Variants in TCP11L1 observed in about 807,000 individuals in gnomAD.
TCP11L1 encodes T-complex protein 11-like protein 1.
TCP11L1 carries 28 observed loss-of-function variants against 48.9 expected under a neutral mutation model. The ratio of observed to expected loss-of-function variants is 0.57; its 90% CI spans 0.42 to 0.78. The LOEUF is 0.78. TCP11L1 is among the 30% of genes least tolerant of loss of function. The pLI is 0.00. For missense variants in TCP11L1, 505 were observed against 613.4 expected (o/e 0.82, Z 1.87); for synonymous variants, 204 against 231.9 (o/e 0.88, Z 1.09).
At chr11:33,063,573 T>C (rs1276170976) in intron 7 of TCP11L1, among the ~76,000 whole-genome samples, 1 of 152,200 alleles carries the variant, frequency 6.6e-6, no homozygotes, top group Non-Finnish European at 1.5e-5. Context: ...TGCTGAACAA[T>C]ATTTTTTTCT....
In TCP11L1 at chr11:33,061,635, G is replaced by A. The variant is rs1854470112; in HGVS notation, c.881G>A (p.Gly294Glu). 1.2e-6 allele frequency: 2 copies of A among 1,612,870 alleles called. No individual in the cohort carries two copies. Among genetic ancestry groups the A allele is most frequent in the Non-Finnish European group, 1.7e-6 (2 of 1,179,538 alleles). ...LPVGGMAAGSGDMPRLSPVAV... is the reference protein window; with the variant it reads ...LPVGGMAAGSEDMPRLSPVAV... ...GTGGGGGGAATGGCTGCTGGCTCTG[G>A]GGACATGCCCAGGCTGAGCCCTGTT... The change falls in exon 7 of 10, where the codon GGG becomes GAG. Residue 294 changes from glycine to glutamate, a missense_variant. Transcript: ENST00000334274.
intron 3 of TCP11L1, chr11:33,056,666 A>G (rs997807890): frequency 8.0e-6 from 2 of 251,000 alleles, no homozygotes; most frequent in African/African-American, 2.3e-5. Context: ...CTGATCTCGA[A>G]CTCCTCACCT....
chr11:33,065,797 C>A, intron 7 of TCP11L1, 33 bp from the exon 8 acceptor site: 1 of 1,594,702 alleles, frequency 6.3e-7, no homozygotes. Context: ...CCTGGACCTG[C>A]AGCTCAGCGA....
chr11:33,069,921 A>G (rs778685009), intron 9 of TCP11L1, among the ~76,000 whole-genome samples: 5 of 152,084 alleles, frequency 3.3e-5, no homozygotes, highest in Non-Finnish European at 7.4e-5. Context: ...ATTTATACTC[A>G]CAACCTTCAT....
chr11:33,055,623 T>C (rs1157655257), intron 3 of TCP11L1, among the ~76,000 whole-genome samples: 1 of 152,144 alleles, frequency 6.6e-6, no homozygotes, highest in African/African-American at 2.4e-5. Flanking sequence ...CAGAGTATAT[T>C]GTTGCCCTGA....
chr11:33,046,976 G>T (rs1854015119), intron 2 of TCP11L1, among the ~76,000 whole-genome samples: 1 of 152,162 alleles, frequency 6.6e-6, no homozygotes, highest in South Asian at 2.1e-4. Flanking sequence ...TAAGCACTTT[G>T]GGAGGCTGAG....
rs1853963680 is a variant in TCP11L1 at position 33,045,508 on chromosome 11, A to G, written c.163+1572A>G. 2.0e-5 allele frequency among the ~76,000 whole-genome samples: 3 copies of G among 148,128 alleles called. No individual in the cohort carries two copies. The South Asian group carries it at 6.4e-4, about 31-fold the overall frequency. ...TCCAGCCTGGATGACAGAGTGAGAC[A>G]AGCCTCTCTCAAAAAAATAAAAATA... On this transcript the variant is annotated intron_variant, in intron 2 of 9. Transcript: ENST00000334274.
intron 1 of TCP11L1, among the ~76,000 whole-genome samples, chr11:33,042,146 G>T (rs7125132): frequency 0.71 from 108,167 of 151,832 alleles, 38,672 homozygotes; most frequent in East Asian, 0.87. Flanking sequence ...TTGTTTGTTT[G>T]TTTAGACAGA....
Position 33,072,493 on chromosome 11 carries a change from C to G in TCP11L1, c.1347C>G (p.Phe449Leu). 6.2e-7 allele frequency: 1 copy of G among 1,614,154 alleles called. No individual in the cohort carries two copies. The highest frequency in any genetic ancestry group is 8.5e-7 in the Non-Finnish European group (1 of 1,180,034). The change falls in exon 10 of 10, where the codon TTC (phenylalanine) becomes TTG (leucine). Residue 449 changes from phenylalanine (F) to leucine (L), a missense_variant. Physicochemically the swap from Phe to Leu is conservative, Grantham distance 22. Transcript: ENST00000334274. ...TCACAGAATCTCGAATCCTGACCTTCTTAGAAACCTACCTTGCCTCGGGTC... is the reference window on the plus strand; with the variant it reads ...TCACAGAATCTCGAATCCTGACCTTGTTAGAAACCTACCTTGCCTCGGGTC... The part of the protein sequence containing the change: ...RRIMESRILT[F>L]LETYLASGHQ...
In TCP11L1 at chr11:33,072,646, A is replaced by C; in HGVS notation, c.1500A>C (p.Ala500=). ...TGGTCTTCTGTCCCTACTACGATGC[A>C]ATCCTGAGTAAGATCCTCGTCCGAT... ...NKMVFCPYYD[A]ILSKILVRS The change falls in exon 10 of 10, where the codon GCA becomes GCC. Residue 500 remains alanine, a synonymous_variant. Coordinates refer to ENST00000334274, the MANE Select transcript of TCP11L1 (RefSeq NM_018393.4). 6.2e-7 allele frequency: 1 copy of C among 1,614,142 alleles called. No individual in the cohort carries two copies. Among genetic ancestry groups the C allele is most frequent in the Non-Finnish European group, 8.5e-7 (1 of 1,180,016 alleles).
chr11:33,041,989 CT>C (rs1173137014), intron 1 of TCP11L1, among the ~76,000 whole-genome samples: 2 of 152,160 alleles, frequency 1.3e-5, no homozygotes, highest in African/African-American at 4.8e-5. Context: ...GTTTTGTGAT[CT>C]TCAAGTGCTG....
intron 9 of TCP11L1, among the ~76,000 whole-genome samples, chr11:33,071,650 G>A (rs905350845): frequency 3.9e-5 from 6 of 152,186 alleles, no homozygotes; most frequent in African/African-American, 1.4e-4. Context: ...AGGCATCAGA[G>A]AAGGAAGCAC....
At chr11:33,052,659 G>A (rs1854195855) in intron 2 of TCP11L1, among the ~76,000 whole-genome samples, 1 of 152,088 alleles carries the variant, frequency 6.6e-6, no homozygotes, top group Non-Finnish European at 1.5e-5. Context: ...AAACTGTGGT[G>A]TTTGGAGCCA....
intron 7 of TCP11L1, among the ~76,000 whole-genome samples, chr11:33,064,237 A>G (rs1046485050): frequency 2.3e-4 from 35 of 152,216 alleles, no homozygotes; most frequent in Admixed American, 6.5e-4. Flanking sequence ...ATCCTTGGCA[A>G]TCTGCATCCT....
At chr11:33,071,624 C>T (rs1045272398) in intron 9 of TCP11L1, among the ~76,000 whole-genome samples, 4 of 152,148 alleles carry the variant, frequency 2.6e-5, no homozygotes, top group South Asian at 2.1e-4. Flanking sequence ...TTTACAAATG[C>T]CCATGACTTC....
chr11:33,048,621 T>C lies in TCP11L1; in HGVS notation c.163+4685T>C, dbSNP rs550190484. On this transcript the variant is annotated intron_variant, in intron 2 of 9. Coordinates refer to ENST00000334274, the MANE Select transcript of TCP11L1 (RefSeq NM_018393.4). ...GATAAGTTTGATTTTAAGTAGTCTC[T>C]TAACTTGGACAGTTCCTGAAAATTT... Among the ~76,000 whole-genome samples the C allele has an allele frequency of 4.6e-5, 7 of 152,350 alleles. No individual in the cohort carries two copies. The South Asian group carries it at 1.4e-3, about 32-fold the overall frequency.
Position 33,066,007 on chromosome 11 carries a change from C to T in TCP11L1, c.1150C>T (p.Leu384=), listed in dbSNP as rs781559875. 33 of 1,613,870 alleles carry T rather than the reference C, an allele frequency of 2.0e-5. No individual in the cohort carries two copies. The Middle Eastern group carries it at 4.9e-4, about 24-fold the overall frequency. The change falls in exon 8 of 10, where the codon CTG becomes TTG. Residue 384 remains leucine (L), a synonymous_variant. Coordinates refer to ENST00000334274, the MANE Select transcript of TCP11L1 (RefSeq NM_018393.4). ...GAAGATTTTGCTAACAGATATGCACCTGCCGTAAGTGGAACTTTGATGCGT... is the reference window on the plus strand; with the variant it reads ...GAAGATTTTGCTAACAGATATGCACTTGCCGTAAGTGGAACTTTGATGCGT... ...IVKILLTDMH[L]PSFHLKDVLT... is the part of the protein sequence containing the mutation.
At position 33,068,668 on chromosome 11, in the gene TCP11L1, C is replaced by T; in HGVS notation, c.1155-19C>T. The stretch of plus-strand genomic sequence containing the variant: ...GGTGTATTTTACTTATAGGCCCTTT[C>T]TCCCCTCCTCTGCCCCAGCTCCTTC... On this transcript the variant is annotated intron_variant, in intron 8 of 9. Transcript: ENST00000334274. 6.2e-7 allele frequency: 1 copy of T among 1,610,768 alleles called. No homozygotes were observed. The highest frequency in any genetic ancestry group is 8.5e-7 in the Non-Finnish European group (1 of 1,177,432).
chr11:33,061,018 T>C (rs976536617), intron 6 of TCP11L1, among the ~76,000 whole-genome samples: 8 of 152,180 alleles, frequency 5.3e-5, no homozygotes, highest in Non-Finnish European at 1.2e-4. Context: ...TACAGTGGTG[T>C]GATCACCACT....
Sources: gnomAD v4.1 joint callset for allele counts (sites outside exome capture counted in the v4.1 genomes callset) on GRCh38, gnomAD v4.1.1 for gene constraint, MANE v1.5 for transcripts, NCBI Gene and HGNC (gene_info 2026-07-23, HGNC 2026-07-21) for gene names.